The following MBD5 variants were observed in gnomAD, a reference collection of about 807,000 sequenced individuals.
MBD5 encodes the protein methyl-CpG-binding domain protein 5.
In MBD5, 13 loss-of-function variants were observed where a neutral mutation model predicts 117.3. The observed-to-expected ratio is 0.11, with a 90% CI of 0.07 to 0.18. The LOEUF is 0.18. Ranked by LOEUF, MBD5 falls within the 10% of genes least tolerant of loss-of-function variation. The pLI, the probability that MBD5 is intolerant of heterozygous loss-of-function variation, is 1.00. For synonymous variants in MBD5, 727 were observed against 766.4 expected (o/e 0.95, Z 0.85); for missense variants, 1,879 against 2,093.8 (o/e 0.90, Z 2.00).
chr2:148,407,012 A>G (rs1705099725), intron 4 of MBD5, among the ~76,000 whole-genome samples: 1 of 152,130 alleles, frequency 6.6e-6, no homozygotes, highest in Non-Finnish European at 1.5e-5. Context: ...ATGCACCATT[A>G]CAATGTAAAC....
intron 1 of MBD5, among the ~76,000 whole-genome samples, chr2:148,142,259 C>A (rs1031163169): frequency 1.3e-5 from 2 of 152,056 alleles, no homozygotes; most frequent in African/African-American, 4.8e-5. Flanking sequence ...ACTGAAATAT[C>A]CAGCACGATA....
At chr2:148,336,871 C>T (rs1702810060) in intron 3 of MBD5, among the ~76,000 whole-genome samples, 1 of 152,146 alleles carries the variant, frequency 6.6e-6, no homozygotes, top group South Asian at 2.1e-4. Flanking sequence ...CTTGCTTGGC[C>T]TCTGGACTTC....
At position 148,470,390 on chromosome 2, in the gene MBD5, T is replaced by C; in HGVS notation, c.2447T>C (p.Ile816Thr). 1 of 1,613,502 alleles carries C rather than the reference T, an allele frequency of 6.2e-7. No homozygotes were observed. The highest frequency in any genetic ancestry group is 8.5e-7 in the Non-Finnish European group (1 of 1,179,606). Residue 816 changes from isoleucine (I) to threonine (T), a missense_variant, in exon 8 of 14, where the codon ATT (isoleucine) becomes ACT (threonine). Physicochemically the swap from Ile to Thr is moderately conservative, Grantham distance 89. This residue lies in a region of MBD5 where 1,666 missense variants were observed against 1,792.2 expected (regional missense o/e 0.93). Coordinates refer to ENST00000642680, the MANE Select transcript of MBD5 (RefSeq NM_001378120.1). The part of the protein sequence containing the change: ...SLHPNPPQSR[I>T]STSSTPVIPN... ...CATCCCAATCCACCTCAGTCAAGAA[T>C]TTCAACGTCCTCCACTCCAGTGATA...
At chr2:148,398,352 G>A (rs1430550071) in intron 4 of MBD5, among the ~76,000 whole-genome samples, 1 of 150,606 alleles carries the variant, frequency 6.6e-6, no homozygotes, top group Non-Finnish European at 1.5e-5. Context: ...CATTCTAACT[G>A]GTGAGATGGT....
At chr2:148,039,286 T>C (rs1279579148) in intron 1 of MBD5, among the ~76,000 whole-genome samples, 1 of 152,082 alleles carries the variant, frequency 6.6e-6, no homozygotes, top group Non-Finnish European at 1.5e-5. Flanking sequence ...ATTTTTCTGG[T>C]GTATATTTGT....
chr2:148,023,852 A>C (rs563126237), intron 1 of MBD5, among the ~76,000 whole-genome samples: 105 of 152,148 alleles, frequency 6.9e-4, no homozygotes, highest in African/African-American at 2.3e-3. Flanking sequence ...GACTTTATCT[A>C]AGTTGGATAA....
At chr2:148,295,273 A>G (rs992215800) in intron 3 of MBD5, among the ~76,000 whole-genome samples, 2 of 152,070 alleles carry the variant, frequency 1.3e-5, no homozygotes, top group African/African-American at 4.8e-5. Context: ...ATCTCTATCA[A>G]TCTATCATCG....
intron 2 of MBD5, among the ~76,000 whole-genome samples, chr2:148,221,607 G>A (rs904239451): frequency 6.6e-6 from 1 of 152,064 alleles, no homozygotes. Flanking sequence ...TTTTTAATCA[G>A]ATTATCAGAT....
intron 3 of MBD5, among the ~76,000 whole-genome samples, chr2:148,341,554 G>T (rs1045583327): frequency 1.3e-5 from 2 of 152,012 alleles, no homozygotes; most frequent in Non-Finnish European, 2.9e-5. Flanking sequence ...ATTTAGTTGA[G>T]TTGTTGGGGA....
At chr2:148,408,277 G>T (rs1705143223) in intron 4 of MBD5, among the ~76,000 whole-genome samples, 2 of 152,058 alleles carry the variant, frequency 1.3e-5, no homozygotes, top group African/African-American at 4.8e-5. Flanking sequence ...AAAATTGCTT[G>T]CATCATTTCA....
intron 3 of MBD5, among the ~76,000 whole-genome samples, chr2:148,269,096 T>C (rs893098453): frequency 3.9e-5 from 6 of 151,988 alleles, no homozygotes. Flanking sequence ...TCTAAGATCA[T>C]TGAAAGTATT....
At chr2:148,093,533 C>T (rs1324140142) in intron 1 of MBD5, among the ~76,000 whole-genome samples, 1 of 152,032 alleles carries the variant, frequency 6.6e-6, no homozygotes, top group Non-Finnish European at 1.5e-5. Context: ...TTTTGTGGAG[C>T]TTTAAAATTC....
At chr2:148,262,939 T>C (rs1040141000) in intron 3 of MBD5, among the ~76,000 whole-genome samples, 2 of 152,190 alleles carry the variant, frequency 1.3e-5, no homozygotes, top group African/African-American at 4.8e-5. Context: ...TCTAGGCTAA[T>C]TGCAATAAAT....
chr2:148,335,683 C>T (rs961341326), intron 3 of MBD5, among the ~76,000 whole-genome samples: 8 of 151,976 alleles, frequency 5.3e-5, no homozygotes, highest in Non-Finnish European at 1.0e-4. Flanking sequence ...CGCACCACTG[C>T]TCTCCAGGCT....
intron 2 of MBD5, among the ~76,000 whole-genome samples, chr2:148,224,215 AAATG>A (rs1699760503): frequency 6.6e-6 from 1 of 152,176 alleles, no homozygotes; most frequent in Non-Finnish European, 1.5e-5. Context: ...ACTGTTCTGT[AAATG>A]TCTATTAGGT....
chr2:148,339,683 A>G (rs2656325), intron 3 of MBD5, among the ~76,000 whole-genome samples: 41,796 of 151,816 alleles, frequency 0.28, 6,568 homozygotes, highest in Admixed American at 0.37. Flanking sequence ...ACCTGCCAAC[A>G]CCTAAAAGTC....
At chr2:148,188,184 T>A (rs1296555646) in intron 2 of MBD5, among the ~76,000 whole-genome samples, 1 of 152,168 alleles carries the variant, frequency 6.6e-6, no homozygotes, top group Non-Finnish European at 1.5e-5. Flanking sequence ...TATTCCAAAA[T>A]TTGAAAAAAT....
At chr2:148,397,848 TG>T (rs1269008426) in intron 4 of MBD5, among the ~76,000 whole-genome samples, 1 of 146,570 alleles carries the variant, frequency 6.8e-6, no homozygotes, top group Non-Finnish European at 1.5e-5. Flanking sequence ...TTCCCCTTCC[TG>T]TGTCCATGTG....
At chr2:148,369,794 G>A (rs1044936471) in intron 4 of MBD5, among the ~76,000 whole-genome samples, 2 of 152,080 alleles carry the variant, frequency 1.3e-5, no homozygotes, top group African/African-American at 4.8e-5. Context: ...AGAAAAGATA[G>A]TTTATGTTAT....
Sources: allele counts gnomAD v4.1 joint callset (sites outside exome capture counted in the v4.1 genomes callset), GRCh38; gene constraint gnomAD v4.1.1; regional missense constraint gnomAD v4.1.1; transcripts MANE v1.5; gene names NCBI Gene and HGNC (gene_info 2026-07-23, HGNC 2026-07-21).